ZNF195: variants seen among roughly 807,000 people sequenced by gnomAD.
ZNF195 encodes the protein hypoxia-regulated factor-1.
ZNF195 carries 11 observed loss-of-function variants against 19.5 expected under a neutral mutation model. The observed-to-expected ratio is 0.57, with a 90% CI of 0.36 to 0.94. The LOEUF (loss-of-function observed/expected upper bound fraction) is 0.94. Among genes scored for constraint, ZNF195 ranks in the 40% least tolerant of loss-of-function variants. ZNF195 has a pLI of 0.01. For missense variants in ZNF195, 582 were observed against 709.0 expected, an observed-to-expected ratio of 0.82 and a Z score of 2.03; for synonymous variants, 214 against 248.1, an observed-to-expected ratio of 0.86 and a Z score of 1.29.
chr11:3,377,280 G>T (rs975847513), intron 1 of ZNF195, among the ~76,000 whole-genome samples: 16 of 152,172 alleles, frequency 1.1e-4, no homozygotes, highest in African/African-American at 3.6e-4. Context: ...CTAATGACTT[G>T]TGTCAAGTCA....
Position 3,371,054 on chromosome 11 carries a change from C to CT in ZNF195, c.146dup (p.Pro50AlafsTer39), listed in dbSNP as rs1360139000. 3 of 1,613,856 alleles carry CT rather than the reference C, an allele frequency of 1.9e-6. No individual in the cohort carries two copies. The highest frequency in any genetic ancestry group is 2.5e-6 in the Non-Finnish European group (3 of 1,179,834). ...GCTCCAGGCAGGTGATCAGGCCTGG[C>CT]TTACAGACAGTGAGACCTGTTTTAT... On this transcript the variant is annotated frameshift_variant, in exon 3 of 6. Transcript: ENST00000399602. LOFTEE classifies it high-confidence loss of function.
intron 1 of ZNF195, 24 bp downstream of exon 1, chr11:3,379,013 CA>C: frequency 7.0e-7 from 1 of 1,421,786 alleles, no homozygotes; most frequent in Admixed American, 2.5e-5. Flanking sequence ...CCCTGTCTCT[CA>C]GGAGGCCTGG....
At chr11:3,371,146 G>A in intron 2 of ZNF195, 76 bp from the exon 3 acceptor site, 2 of 1,343,604 alleles carry the variant, frequency 1.5e-6, no homozygotes, top group Non-Finnish European at 2.1e-6. Context: ...GCTTAGTAGA[G>A]TGAACATTAT....
rs368444165 is a variant in ZNF195, at chr11:3,370,981, G to T, written c.220C>A (p.His74Asn). The change falls in exon 3 of 6, where the codon CAT becomes AAT. Residue 74 changes from histidine (H) to asparagine (N), a missense_variant. By Grantham distance (68) the His-to-Asn change is moderately conservative (BLOSUM62 1). Transcript: ENST00000399602. ...NVKRQEAADG[H>N]PEMGFHHATQ... ...TTCGTTCATTCCCACCCACCTGGAT[G>T]TCCGTCTGCTGCCTCCTGTCTCTTC... 56 of 1,613,754 alleles carry T rather than the reference G, an allele frequency of 3.5e-5. No individual in the cohort carries two copies. In the African/African-American group the frequency reaches 6.9e-4, roughly 20 times the overall value.
intron 3 of ZNF195, among the ~76,000 whole-genome samples, 194 bp downstream of exon 3, chr11:3,370,781 G>C (rs1849166087): frequency 6.6e-6 from 1 of 152,240 alleles, no homozygotes; most frequent in Admixed American, 6.5e-5. Flanking sequence ...CACTAAACAG[G>C]AAGCAGAGTC....
At position 3,367,397 on chromosome 11, in the gene ZNF195, A is replaced by G. The variant is rs548040219; in HGVS notation, c.226+3578T>C. 3.7e-4 allele frequency among the ~76,000 whole-genome samples: 57 copies of G among 152,212 alleles called. 1 individual carries two copies. In the South Asian group the frequency reaches 0.012, roughly 31 times the overall value. On this transcript the variant is annotated intron_variant, in intron 3 of 5. Coordinates refer to ENST00000399602, the MANE Select transcript of ZNF195 (RefSeq NM_001130520.3). ...TACCATTAAAAAAGAATTTGCCTAG[A>G]TAACTACAGTATTCAACTGTGACTG...
chr11:3,370,852 C>A (rs1849169414), intron 3 of ZNF195, 123 bp downstream of exon 3: 3 of 890,968 alleles, frequency 3.4e-6, no homozygotes, highest in Non-Finnish European at 5.3e-6. Flanking sequence ...GAGAAAGACA[C>A]CCAGGCTCTC....
rs745642506 is a variant in ZNF195 at position 3,371,741 on chromosome 11, C to G, written c.4-38G>C. On this transcript the variant is annotated intron_variant, in intron 1 of 5. Transcript: ENST00000399602. ...CAACAACAATAACAAATACTTGATT[C>G]GAGGTGAAATGAGCGAGTGAAGAGA... 4.5e-6 allele frequency: 7 copies of G among 1,564,286 alleles called. No homozygotes were observed. In the South Asian group the frequency reaches 8.4e-5, roughly 19 times the overall value.
chr11:3,360,720 C>A lies in ZNF195; in HGVS notation c.442G>T (p.Ala148Ser). 1 of 1,551,400 alleles carries A rather than the reference C, an allele frequency of 6.4e-7. No individual in the cohort carries two copies. The highest frequency in any genetic ancestry group is 1.2e-5 in the South Asian group (1 of 84,102). ...TATAAACATATAAATGTAACAATAC[C>A]TAGTGAGAAGATGCATCTGAACTCT... ...FLEFRCIFSL[A>S]MSSHFTQDLL... is the part of the protein sequence containing the mutation. Residue 148 changes from alanine to serine, a missense_variant and splice_region_variant, in exon 5 of 6, where the codon GCT becomes TCT. By Grantham distance (99) the Ala-to-Ser change is moderately conservative. Transcript: ENST00000399602.
intron 1 of ZNF195, among the ~76,000 whole-genome samples, chr11:3,378,055 A>G (rs933278325): frequency 2.0e-5 from 3 of 152,176 alleles, no homozygotes; most frequent in African/African-American, 7.2e-5. Flanking sequence ...CACGACTGTA[A>G]TCCCAGCACT....
Position 3,360,262 on chromosome 11 carries a change from C to A in ZNF195, c.746G>T (p.Cys249Phe), listed in dbSNP as rs1848564304. The A allele has an allele frequency of 6.2e-7, 1 of 1,613,520 alleles. No individual in the cohort carries two copies. The change falls in exon 6 of 6, where the codon TGT (cysteine) becomes TTT (phenylalanine). Residue 249 changes from cysteine (C) to phenylalanine (F), a missense_variant. Physicochemically the swap from Cys to Phe is radical, Grantham distance 205. This residue lies in a region of ZNF195 where 407 missense variants were observed against 530.5 expected (regional missense o/e 0.77). Transcript: ENST00000399602. ...TGEKPFKCQE[C>F]GKSFQMLSFL... ...TGAGAGCATTTGAAAGGATTTGCCACATTCTTGACATTTGAAAGGTTTCTC... is the reference window on the plus strand; with the variant it reads ...TGAGAGCATTTGAAAGGATTTGCCAAATTCTTGACATTTGAAAGGTTTCTC...
rs774978578 is a variant in ZNF195 at position 3,371,077 on chromosome 11, T to G, written c.131-7A>C. ...GGCTTACAGACAGTGAGACCTGTTTTATTAGAAAAAAGTGACATTACTCTT... is the reference window on the plus strand; with the variant it reads ...GGCTTACAGACAGTGAGACCTGTTTGATTAGAAAAAAGTGACATTACTCTT... On this transcript the variant is annotated splice_polypyrimidine_tract_variant and splice_region_variant and intron_variant, in intron 2 of 5. Transcript: ENST00000399602. The G allele has an allele frequency of 1.2e-6, 2 of 1,611,372 alleles. No homozygotes were observed. The highest frequency in any genetic ancestry group is 3.3e-5 in the Admixed American group (2 of 59,824).
At chr11:3,368,897 C>T (rs564411982) in intron 3 of ZNF195, 1 of 452,102 alleles carries the variant, frequency 2.2e-6, no homozygotes, top group East Asian at 7.0e-5. Context: ...ATGAAATAGC[C>T]CATTTTTCTT....
chr11:3,369,589 CG>C (rs1323636154), intron 3 of ZNF195: 9 of 416,064 alleles, frequency 2.2e-5, no homozygotes, highest in Non-Finnish European at 4.5e-5. Flanking sequence ...CATTCAACCA[CG>C]TGGATGACCC....
In ZNF195 at chr11:3,378,913, G is replaced by A. The variant is rs1392895942; in HGVS notation, c.3+125C>T. On this transcript the variant is annotated intron_variant, in intron 1 of 5. Transcript: ENST00000399602. ...CGCGGGGCCCGGCCGCCATGGTGCAGCTGGAGGGGCCTCGGGTCCGCGGAG... is the reference window on the plus strand; with the variant it reads ...CGCGGGGCCCGGCCGCCATGGTGCAACTGGAGGGGCCTCGGGTCCGCGGAG... The A allele has an allele frequency of 2.5e-6, 3 of 1,192,996 alleles. No individual in the cohort carries two copies. The South Asian group carries it at 9.0e-5, about 36-fold the overall frequency. 73.9% of individuals were successfully genotyped at this position (1,192,996 alleles called of 1,614,324 possible).
chr11:3,367,804 G>A (rs1848977419), intron 3 of ZNF195, among the ~76,000 whole-genome samples: 1 of 152,028 alleles, frequency 6.6e-6, no homozygotes, highest in African/African-American at 2.4e-5. Flanking sequence ...GGGTGCAGTG[G>A]TTCACGCCTG....
At chr11:3,371,111 T>G (rs1172989598) in intron 2 of ZNF195, 41 bp from the exon 3 acceptor site, 1 of 1,589,564 alleles carries the variant, frequency 6.3e-7, no homozygotes, top group Non-Finnish European at 8.6e-7. Flanking sequence ...TTGCTGAAAT[T>G]CTCCAATTAT....
intron 1 of ZNF195, among the ~76,000 whole-genome samples, chr11:3,373,980 C>A (rs796741495): frequency 2.0e-5 from 3 of 152,344 alleles, no homozygotes; most frequent in African/African-American, 7.2e-5. Flanking sequence ...TCAACTCGTA[C>A]AAATGCATCT....
chr11:3,368,288 T>C (rs1010616283), intron 3 of ZNF195, among the ~76,000 whole-genome samples: 8 of 152,198 alleles, frequency 5.3e-5, no homozygotes, highest in African/African-American at 1.4e-4. Flanking sequence ...GCAACAAAAA[T>C]GTGTCAGTCT....
Sources: gnomAD v4.1 joint callset for allele counts (sites outside exome capture counted in the v4.1 genomes callset) on GRCh38, gnomAD v4.1.1 for gene constraint, gnomAD v4.1.1 regional missense constraint, MANE v1.5 for transcripts, NCBI Gene and HGNC (gene_info 2026-07-23, HGNC 2026-07-21) for gene names.